STAT4: variants seen among roughly 807,000 people sequenced by gnomAD.
STAT4 encodes signal transducer and activator of transcription 4.
STAT4 carries 42 observed loss-of-function variants against 110.5 expected under a neutral mutation model. The observed-to-expected ratio is 0.38, with a 90% CI of 0.30 to 0.49. The LOEUF (loss-of-function observed/expected upper bound fraction) is 0.49, where lower values mean the gene tolerates loss of function less well. Ranked by LOEUF, STAT4 falls within the 20% of genes least tolerant of loss-of-function variation. The pLI is 0.95. For missense variants in STAT4, 632 were observed against 887.9 expected (o/e 0.71, Z 3.66); for synonymous variants, 284 against 302.2 (o/e 0.94, Z 0.63).
At chr2:191,126,970 C>T (rs1468474004) in intron 3 of STAT4, among the ~76,000 whole-genome samples, 2 of 152,094 alleles carry the variant, frequency 1.3e-5, no homozygotes, top group Non-Finnish European at 2.9e-5. Context: ...CAGGCACACA[C>T]CACCATGCCC....
intron 3 of STAT4, chr2:191,122,043 C>T (rs1559076612): frequency 6.6e-6 from 1 of 152,020 alleles, no homozygotes; most frequent in East Asian, 1.9e-4. Context: ...ATTTGTAAAG[C>T]ATTCCATATT....
At position 191,051,742 on chromosome 2, in the gene STAT4, G is replaced by A. The variant is rs1267325121; in HGVS notation, c.1251+2748C>T. Among the ~76,000 whole-genome samples, 1 of 152,204 alleles carries A rather than the reference G, an allele frequency of 6.6e-6. No individual in the cohort carries two copies. Among genetic ancestry groups the A allele is most frequent in the Non-Finnish European group, 1.5e-5 (1 of 68,032 alleles). On this transcript the variant is annotated intron_variant, in intron 14 of 23. Transcript: ENST00000392320. The surrounding 1 kb of genome is among the most constrained non-coding windows in gnomAD (Gnocchi z 5.6). Reference sequence around the variant, plus strand: ...GCTCGCCTCTCCCAGGGAAGGTTCTGCGACCCAGAGGCAGCATAGCAGAGG... The same window carrying A: ...GCTCGCCTCTCCCAGGGAAGGTTCTACGACCCAGAGGCAGCATAGCAGAGG...
chr2:191,039,114 C>G lies in STAT4; in HGVS notation c.1434+85G>C. Reference sequence around the variant, plus strand: ...ACTCTCACCCCACACCCCACTGGCACACACATGTTTTGATGCAGATGTGTT... The same window carrying G: ...ACTCTCACCCCACACCCCACTGGCAGACACATGTTTTGATGCAGATGTGTT... On this transcript the variant is annotated intron_variant, in intron 16 of 23. Transcript: ENST00000392320. The surrounding 1 kb of genome is among the most constrained non-coding windows in gnomAD (Gnocchi z 4.7). 8.2e-7 allele frequency: 1 copy of G among 1,218,984 alleles called. No homozygotes were observed. The highest frequency in any genetic ancestry group is 1.2e-6 in the Non-Finnish European group (1 of 822,162). The allele number at this position is 1,218,984 out of a possible 1,614,324, so 75.5% of individuals were successfully genotyped here.
rs550136276 is a variant in STAT4, at chr2:191,142,158, T to C, written c.273+4455A>G. Among the ~76,000 whole-genome samples, 3 of 152,010 alleles carry C rather than the reference T, an allele frequency of 2.0e-5. No homozygotes were observed. The highest frequency in any genetic ancestry group is 7.2e-5 in the African/African-American group (3 of 41,420). On this transcript the variant is annotated intron_variant, in intron 3 of 23. Transcript: ENST00000392320. The surrounding 1 kb of genome is among the most constrained non-coding windows in gnomAD (Gnocchi z 4.1). ...CAGGACTATTCACAATAACAAAGAT[T>C]TGGAATCAACCTAAGTGTCCATTGA...
At chr2:191,101,348 C>A (rs116522016) in intron 3 of STAT4, among the ~76,000 whole-genome samples, 1 of 152,110 alleles carries the variant, frequency 6.6e-6, no homozygotes, top group Non-Finnish European at 1.5e-5. Context: ...TCAGAGCATA[C>A]TCAATGTATC....
intron 4 of STAT4, 150 bp downstream of exon 4, chr2:191,076,077 C>A (rs1574133118): frequency 1.6e-6 from 1 of 609,184 alleles, no homozygotes. Flanking sequence ...TGGTCTCAAA[C>A]TCTTGGCTTC....
Position 191,035,554 on chromosome 2 carries a change from C to CT in STAT4, c.1570+609dup, listed in dbSNP as rs1431033515. Reference sequence around the variant, plus strand: ...TGTCAAAATACAGATCTCTTAGAGACTTTTTAGAAAATGTTTGGATTATAG... The same window carrying CT: ...TGTCAAAATACAGATCTCTTAGAGACTTTTTTAGAAAATGTTTGGATTATAG... On this transcript the variant is annotated intron_variant, in intron 17 of 23. Transcript: ENST00000392320. The surrounding 1 kb of genome is among the most constrained non-coding windows in gnomAD (Gnocchi z 4.7). Among the ~76,000 whole-genome samples, 1 of 152,146 alleles carries CT rather than the reference C, an allele frequency of 6.6e-6. No homozygotes were observed. Among genetic ancestry groups the CT allele is most frequent in the Non-Finnish European group, 1.5e-5 (1 of 68,040 alleles).
intron 6 of STAT4, chr2:191,068,501 T>A (rs1697054702): frequency 6.6e-6 from 1 of 152,158 alleles, no homozygotes; most frequent in South Asian, 2.1e-4. Flanking sequence ...AAACATCTCA[T>A]CTTCATGTAT....
chr2:191,088,350 A>G (rs1018251857), intron 3 of STAT4, among the ~76,000 whole-genome samples: 1 of 152,224 alleles, frequency 6.6e-6, no homozygotes, highest in Non-Finnish European at 1.5e-5. Flanking sequence ...TTAGGTATAA[A>G]TCTAACAATG....
rs1167195254 is a variant in STAT4, at chr2:191,040,143, T to A, written c.1336-846A>T. On this transcript the variant is annotated intron_variant, in intron 15 of 23. Transcript: ENST00000392320. ...GGGTGTGTGAGATTGTGTTTGTTCA[T>A]TCATGCACTGATTCATTCACGGTGT... 8.5e-5 allele frequency among the ~76,000 whole-genome samples: 13 copies of A among 152,228 alleles called. 1 individual carries two copies. Among genetic ancestry groups the A allele is most frequent in the Admixed American group, 8.5e-4 (13 of 15,290 alleles).
chr2:191,048,849 T>C (rs1300396211), intron 14 of STAT4, among the ~76,000 whole-genome samples: 1 of 135,992 alleles, frequency 7.4e-6, no homozygotes, highest in Non-Finnish European at 1.6e-5. Context: ...ATCAAAGCCA[T>C]CCTAATCATC....
chr2:191,146,795 C>A lies in STAT4; in HGVS notation c.129-38G>T. ...AGGATTATTACACAACAGAAAACAA[C>A]TTTGTAAAATGTCTACTTTTTTACC... On this transcript the variant is annotated intron_variant, in intron 2 of 23. Coordinates refer to ENST00000392320, the MANE Select transcript of STAT4 (RefSeq NM_003151.4). The surrounding 1 kb of genome is among the most constrained non-coding windows in gnomAD (Gnocchi z 4.5). 2 of 1,447,626 alleles carry A rather than the reference C, an allele frequency of 1.4e-6. No homozygotes were observed. Among genetic ancestry groups the A allele is most frequent in the Non-Finnish European group, 1.8e-6 (2 of 1,095,518 alleles). 89.7% of individuals were successfully genotyped at this position (1,447,626 alleles called of 1,614,324 possible).
chr2:191,124,569 C>T (rs1698826935), intron 3 of STAT4, among the ~76,000 whole-genome samples: 1 of 151,896 alleles, frequency 6.6e-6, no homozygotes, highest in Admixed American at 6.6e-5. Flanking sequence ...ATGCAGGAGG[C>T]AGGCAAATAT....
At chr2:191,141,505 ATACATACACATATG>A (rs1699329290) in intron 3 of STAT4, among the ~76,000 whole-genome samples, 1 of 142,326 alleles carries the variant, frequency 7.0e-6, no homozygotes, top group African/African-American at 2.6e-5. Flanking sequence ...TATCACATAT[ATACATACACATATG>A]TATATCACAT....
At position 191,033,473 on chromosome 2, in the gene STAT4, C is replaced by T; in HGVS notation, c.1852+17G>A. On this transcript the variant is annotated intron_variant, in intron 20 of 23. Transcript: ENST00000392320. The surrounding 1 kb of genome is among the most constrained non-coding windows in gnomAD (Gnocchi z 6.9). The stretch of plus-strand genomic sequence containing the variant: ...AGAAAACTAATTTCACATGAATAAA[C>T]ATTAGTGAGTATATACCACTTTCAG... 1 of 1,589,788 alleles carries T rather than the reference C, an allele frequency of 6.3e-7. No individual in the cohort carries two copies. Among genetic ancestry groups the T allele is most frequent in the Non-Finnish European group, 8.5e-7 (1 of 1,173,346 alleles).
At chr2:191,125,367 C>T (rs1698849082) in intron 3 of STAT4, among the ~76,000 whole-genome samples, 2 of 151,964 alleles carry the variant, frequency 1.3e-5, no homozygotes, top group African/African-American at 4.8e-5. Context: ...TAAAAGCCCA[C>T]TGGAGGTGAG....
chr2:191,039,357 T>C lies in STAT4; in HGVS notation c.1336-60A>G. 1 of 1,483,012 alleles carries C rather than the reference T, an allele frequency of 6.7e-7. No homozygotes were observed. Among genetic ancestry groups the C allele is most frequent in the Non-Finnish European group, 9.4e-7 (1 of 1,061,494 alleles). The allele number at this position is 1,483,012 out of a possible 1,614,324, so 91.9% of individuals were successfully genotyped here. ...GTAGTCCCACCTTACATTGATCTTA[T>C]GCTTGACCCTCGCCTCTAAAGGGCC... On this transcript the variant is annotated intron_variant, in intron 15 of 23. Transcript: ENST00000392320. This position sits in a 1 kb window ranked among gnomAD's most constrained non-coding sequence, Gnocchi z 4.7.
At chr2:191,094,748 C>A (rs1319167555) in intron 3 of STAT4, among the ~76,000 whole-genome samples, 1 of 151,930 alleles carries the variant, frequency 6.6e-6, no homozygotes, top group African/African-American at 2.4e-5. Context: ...CAACATTAAC[C>A]TTAAATGTAA....
At chr2:191,070,926 T>C (rs1697128758) in intron 5 of STAT4, among the ~76,000 whole-genome samples, 1 of 152,188 alleles carries the variant, frequency 6.6e-6, no homozygotes, top group Admixed American at 6.5e-5. Context: ...TTAGTTCGAC[T>C]GCTTAAAACA....
Sources: gnomAD v4.1 joint callset for allele counts (sites outside exome capture counted in the v4.1 genomes callset) on GRCh38, gnomAD v4.1.1 for gene constraint, Gnocchi (gnomAD v3.1) non-coding constraint, MANE v1.5 for transcripts, NCBI Gene and HGNC (gene_info 2026-07-23, HGNC 2026-07-21) for gene names.